The following TANC2 variants were observed in gnomAD, a reference collection of about 807,000 sequenced individuals.
TANC2 encodes the protein protein TANC2.
Under a neutral mutation model 210.5 loss-of-function variants are expected in TANC2, and 26 were observed. The observed-to-expected ratio is 0.12, with a 90% confidence interval of 0.09 to 0.17. TANC2 has a LOEUF of 0.17. Ranked by LOEUF, TANC2 falls within the 10% of genes least tolerant of loss-of-function variation. The pLI is 1.00. For synonymous variants in TANC2, 931 were observed against 967.1 expected, an observed-to-expected ratio of 0.96 and a Z score of 0.69; for missense variants, 2,129 against 2,608.9, an observed-to-expected ratio of 0.82 and a Z score of 4.01.
intron 9 of TANC2, among the ~76,000 whole-genome samples, chr17:63,269,460 G>A (rs1348276548): frequency 2.6e-5 from 4 of 152,112 alleles, no homozygotes; most frequent in African/African-American, 4.8e-5. Context: ...CAGAACTACT[G>A]ATCTATATGG....
intron 21 of TANC2, among the ~76,000 whole-genome samples, chr17:63,409,181 C>CT (rs545840066): frequency 6.6e-6 from 1 of 151,792 alleles, no homozygotes; most frequent in Non-Finnish European, 1.5e-5. Context: ...TTGTTTTTGT[C>CT]TTTTTTTAGA....
At chr17:63,172,846 A>G (rs991572289) in intron 5 of TANC2, among the ~76,000 whole-genome samples, 2 of 152,208 alleles carry the variant, frequency 1.3e-5, no homozygotes, top group African/African-American at 2.4e-5. Context: ...AACTACAACT[A>G]TGACTTCTTA....
At chr17:63,074,837 A>G (rs1213360852) in intron 3 of TANC2, among the ~76,000 whole-genome samples, 1 of 152,168 alleles carries the variant, frequency 6.6e-6, no homozygotes, top group Non-Finnish European at 1.5e-5. Flanking sequence ...TCAGACAATC[A>G]TTTATTGAGT....
chr17:63,334,803 T>C (rs535012560), intron 11 of TANC2, among the ~76,000 whole-genome samples: 2 of 152,310 alleles, frequency 1.3e-5, no homozygotes, highest in African/African-American at 4.8e-5. Context: ...TGAGACTGGG[T>C]AATTTCTAAA....
At chr17:63,217,979 T>G (rs1406605061) in intron 7 of TANC2, among the ~76,000 whole-genome samples, 4 of 151,224 alleles carry the variant, frequency 2.6e-5, no homozygotes, top group African/African-American at 9.7e-5. Context: ...GATCATCTGA[T>G]AAATACAAAA....
intron 2 of TANC2, among the ~76,000 whole-genome samples, chr17:63,035,739 G>A (rs933386742): frequency 1.2e-4 from 19 of 152,124 alleles, no homozygotes; most frequent in Admixed American, 8.5e-4. Context: ...TAGGATTGTT[G>A]GATCATGTGG....
intron 1 of TANC2, among the ~76,000 whole-genome samples, chr17:62,977,264 A>G (rs1026525997): frequency 6.6e-6 from 1 of 152,126 alleles, no homozygotes; most frequent in Non-Finnish European, 1.5e-5. Flanking sequence ...GTGTATCTTT[A>G]GTATAATTAT....
chr17:63,358,376 A>AGTGTGTGTGTGTGTGTGTGTGTGT (rs1555641221), intron 14 of TANC2, among the ~76,000 whole-genome samples: 1 of 80,942 alleles, frequency 1.2e-5, no homozygotes, highest in African/African-American at 3.7e-5. Context: ...AGAGAGAGAG[A>AGTGTGTGTGTGTGTGTGTGTGTGT]GTATGTGTGT....
chr17:63,138,599 C>T (rs1383880398), intron 4 of TANC2, among the ~76,000 whole-genome samples: 1 of 152,138 alleles, frequency 6.6e-6, no homozygotes. Flanking sequence ...CTTCTATCCT[C>T]TGAAATGAAA....
intron 5 of TANC2, among the ~76,000 whole-genome samples, chr17:63,184,857 A>G (rs2040921577): frequency 6.6e-6 from 1 of 151,606 alleles, no homozygotes; most frequent in East Asian, 2.0e-4. Flanking sequence ...GGATTTCGCC[A>G]TGTTGGTCAG....
At chr17:63,217,476 AT>A (rs1343487235) in intron 7 of TANC2, among the ~76,000 whole-genome samples, 4 of 152,232 alleles carry the variant, frequency 2.6e-5, no homozygotes, top group African/African-American at 9.6e-5. Context: ...TAAATGAACA[AT>A]TTTAATGTCA....
intron 9 of TANC2, among the ~76,000 whole-genome samples, chr17:63,271,374 C>T (rs755491889): frequency 1.3e-5 from 2 of 151,438 alleles, no homozygotes; most frequent in Non-Finnish European, 2.9e-5. Flanking sequence ...TGTTATGAGA[C>T]GGTATCTCAC....
At chr17:63,012,681 T>G (rs1282170048) in intron 2 of TANC2, among the ~76,000 whole-genome samples, 1 of 152,188 alleles carries the variant, frequency 6.6e-6, no homozygotes, top group Non-Finnish European at 1.5e-5. Context: ...AGACAGGGTT[T>G]TGCTCTGTCA....
chr17:63,253,585 A>G (rs1284924384), intron 8 of TANC2, among the ~76,000 whole-genome samples: 1 of 152,104 alleles, frequency 6.6e-6, no homozygotes, highest in Non-Finnish European at 1.5e-5. Flanking sequence ...TCTTAAACTT[A>G]AGTTTTTAAT....
chr17:63,163,362 A>ACAC, intron 5 of TANC2, among the ~76,000 whole-genome samples: 1 of 152,226 alleles, frequency 6.6e-6, no homozygotes, highest in African/African-American at 2.4e-5. Context: ...CTGAGGCCAG[A>ACAC]AGATCATCTG....
chr17:63,031,161 G>A (rs1166383478), intron 2 of TANC2, among the ~76,000 whole-genome samples: 2 of 152,024 alleles, frequency 1.3e-5, no homozygotes, highest in African/African-American at 2.4e-5. Context: ...TTCTTGACCA[G>A]GGGAATTCTC....
chr17:63,318,895 G>T (rs556305991), intron 10 of TANC2, 62 bp from the exon 11 acceptor site: 3 of 1,569,742 alleles, frequency 1.9e-6, no homozygotes, highest in South Asian at 2.2e-5. Context: ...ATGGAATTTA[G>T]CCATTTTTCC....
chr17:63,052,999 G>A (rs563682323), intron 2 of TANC2, among the ~76,000 whole-genome samples: 58 of 152,288 alleles, frequency 3.8e-4, no homozygotes, highest in African/African-American at 1.0e-3. Context: ...GATTTGGCTC[G>A]CAAGAGTGTG....
intron 5 of TANC2, among the ~76,000 whole-genome samples, chr17:63,157,892 G>A (rs543446750): frequency 1.3e-5 from 2 of 152,206 alleles, no homozygotes; most frequent in South Asian, 4.2e-4. Context: ...TGGGATTACA[G>A]GAGTGACTAC....
Sources: allele counts gnomAD v4.1 joint callset (sites outside exome capture counted in the v4.1 genomes callset), GRCh38; gene constraint gnomAD v4.1.1; transcripts MANE v1.5; gene names NCBI Gene and HGNC (gene_info 2026-07-23, HGNC 2026-07-21).